Variants in DOCK9 observed in about 807,000 individuals in gnomAD.
DOCK9 encodes dedicator of cytokinesis protein 9.
DOCK9 carries 89 observed loss-of-function variants against 263.3 expected under a neutral mutation model. The ratio of observed to expected loss-of-function variants is 0.34; its 90% CI spans 0.28 to 0.40. The LOEUF (loss-of-function observed/expected upper bound fraction) is 0.40. Ranked by LOEUF, DOCK9 falls within the 10% of genes least tolerant of loss-of-function variation. DOCK9 has a pLI of 1.00. For synonymous variants in DOCK9, 976 were observed against 973.1 expected (o/e 1.00, Z -0.06); for missense variants, 2,140 against 2,603.4 (o/e 0.82, Z 3.87).
At chr13:99,017,218 T>G (rs988897090) in intron 1 of DOCK9, among the ~76,000 whole-genome samples, 1 of 152,182 alleles carries the variant, frequency 6.6e-6, no homozygotes, top group South Asian at 2.1e-4. Context: ...GTTGTGACAC[T>G]AGGAGAATCT....
chr13:98,913,414 GT>G (rs1174674826), intron 9 of DOCK9, among the ~76,000 whole-genome samples: 1 of 151,972 alleles, frequency 6.6e-6, no homozygotes, highest in Non-Finnish European at 1.5e-5. Flanking sequence ...TTGTAGCTTT[GT>G]TTATAATAGA....
At chr13:98,814,585 T>C (rs1229535992) in intron 45 of DOCK9, among the ~76,000 whole-genome samples, 3 of 152,100 alleles carry the variant, frequency 2.0e-5, no homozygotes, top group African/African-American at 7.2e-5. Context: ...TTTGTATTTT[T>C]AGTAGAGACA....
chr13:98,932,963 G>A lies in DOCK9; in HGVS notation c.244-2706C>T, dbSNP rs143728312. 4.1e-4 allele frequency among the ~76,000 whole-genome samples: 63 copies of A among 152,146 alleles called. No homozygotes were observed. In the East Asian group the frequency reaches 7.1e-3, roughly 17 times the overall value. Reference sequence around the variant, plus strand: ...GTGACCATAAGCATGGAAGACAGGCGCAATCTGTACAAAAAGCTACAAAGC... The same window carrying A: ...GTGACCATAAGCATGGAAGACAGGCACAATCTGTACAAAAAGCTACAAAGC... On this transcript the variant is annotated intron_variant, in intron 2 of 52. Coordinates refer to ENST00000682017, the MANE Select transcript of DOCK9 (RefSeq NM_001366683.2).
chr13:98,887,385 G>A (rs1409882185), intron 18 of DOCK9, among the ~76,000 whole-genome samples: 1 of 150,846 alleles, frequency 6.6e-6, no homozygotes, highest in Non-Finnish European at 1.5e-5. Flanking sequence ...GGGAGGCCAA[G>A]GTGGGCAGAT....
At position 98,978,052 on chromosome 13, in the gene DOCK9, G is replaced by A. The variant is rs1875718513; in HGVS notation, c.-143C>T. On this transcript the variant is annotated 5_prime_UTR_variant, in exon 1 of 53. Coordinates refer to ENST00000682017, the MANE Select transcript of DOCK9 (RefSeq NM_001366683.2). The stretch of plus-strand genomic sequence containing the variant: ...ACAAGTGGTCAGCCCCGCTGGCTGG[G>A]TCTGCAGAGCCTGTGGGGTGGGAAG... The A allele has an allele frequency of 7.0e-7, 1 of 1,436,716 alleles. No homozygotes were observed. Among genetic ancestry groups the A allele is most frequent in the Non-Finnish European group, 9.1e-7 (1 of 1,100,256 alleles). The allele number at this position is 1,436,716 out of a possible 1,614,324, so 89.0% of individuals were successfully genotyped here.
rs576457135 is a variant in DOCK9, at chr13:99,001,844, T to C, written c.130-46293A>G. Among the ~76,000 whole-genome samples, 49 of 152,344 alleles carry C rather than the reference T, an allele frequency of 3.2e-4. No homozygotes were observed. The South Asian group carries it at 9.7e-3, about 30-fold the overall frequency. The stretch of plus-strand genomic sequence containing the variant: ...ACCTCACTTGGTATTTGTAATTTTC[T>C]ATTTGTTTTCTTAAAGAGGGACTTC... On this transcript the variant is annotated intron_variant, in intron 1 of 32. Transcript: ENST00000427887.
rs570405969 is a variant in DOCK9 at position 99,069,415 on chromosome 13, T to A, written c.129+16808A>T. On this transcript the variant is annotated intron_variant, in intron 1 of 32. Coordinates refer to the DOCK9 transcript ENST00000427887. ...AAACTAGCTTGGGACTAATGAAATA[T>A]ACAAGCACGGAGGAGATCCATGGTG... Among the ~76,000 whole-genome samples, 3 of 152,354 alleles carry A rather than the reference T, an allele frequency of 2.0e-5. No individual in the cohort carries two copies. The South Asian group carries it at 6.2e-4, about 32-fold the overall frequency.
intron 38 of DOCK9, among the ~76,000 whole-genome samples, chr13:98,841,644 C>T (rs186235559): frequency 3.7e-5 from 5 of 134,002 alleles, no homozygotes; most frequent in South Asian, 2.4e-4. Flanking sequence ...TTTTTGGAGA[C>T]GAAGTCTCGC....
chr13:98,938,808 C>T (rs1567028508), intron 2 of DOCK9, among the ~76,000 whole-genome samples: 3 of 152,104 alleles, frequency 2.0e-5, no homozygotes, highest in African/African-American at 7.2e-5. Context: ...ATATTTAAAA[C>T]ATCATATTTT....
intron 1 of DOCK9, among the ~76,000 whole-genome samples, chr13:99,037,524 G>A (rs777508228): frequency 2.6e-5 from 4 of 152,106 alleles, no homozygotes; most frequent in African/African-American, 7.2e-5. Context: ...AATATAAAAC[G>A]ATATAACTAC....
intron 25 of DOCK9, among the ~76,000 whole-genome samples, chr13:98,881,354 G>C (rs887394597): frequency 6.6e-6 from 1 of 152,202 alleles, no homozygotes; most frequent in Non-Finnish European, 1.5e-5. Flanking sequence ...CATAATTGAA[G>C]GAATGGAATT....
At chr13:98,904,481 A>AT (rs1330286788) in intron 10 of DOCK9, 151 bp downstream of exon 10, 2 of 606,890 alleles carry the variant, frequency 3.3e-6, no homozygotes, top group African/African-American at 3.7e-5. Context: ...AAGATTATAC[A>AT]TTTTTATTTT....
At chr13:98,900,307 G>A (rs2048081160) in intron 13 of DOCK9, among the ~76,000 whole-genome samples, 1 of 152,204 alleles carries the variant, frequency 6.6e-6, no homozygotes, top group Non-Finnish European at 1.5e-5. Context: ...GCGGCAGGCA[G>A]AAGTAACAAA....
In DOCK9 at chr13:98,925,937, T is replaced by A; in HGVS notation, c.334-18A>T. 6.6e-7 allele frequency: 1 copy of A among 1,526,364 alleles called. No homozygotes were observed. Among genetic ancestry groups the A allele is most frequent in the African/African-American group, 1.4e-5 (1 of 72,144 alleles). The allele number at this position is 1,526,364 out of a possible 1,614,324, so 94.6% of individuals were successfully genotyped here. On this transcript the variant is annotated intron_variant, in intron 3 of 52. Transcript: ENST00000682017. ...TTGATGCACTATTGAAGGGGGATTT[T>A]AAAAATAGAAAATAAAAAACAGAAA...
chr13:99,059,950 A>C (rs1198512597), intron 1 of DOCK9, among the ~76,000 whole-genome samples: 1 of 152,044 alleles, frequency 6.6e-6, no homozygotes, highest in Non-Finnish European at 1.5e-5. Flanking sequence ...TAATGTTATC[A>C]AGATTCATCC....
chr13:98,825,845 G>A lies in DOCK9; in HGVS notation c.5023+985C>T, dbSNP rs373917318. ...CACGTGACCAGGGCAGGGGGTCCCC[G>A]GGGGCTGGGCTGATCCTCAGGCTCA... is the stretch of plus-strand genomic sequence containing the variant. On this transcript the variant is annotated intron_variant, in intron 44 of 52. Transcript: ENST00000682017. The surrounding 1 kb of genome is among the most constrained non-coding windows in gnomAD (Gnocchi z 4.1). The A allele has an allele frequency of 8.0e-5, 116 of 1,453,778 alleles. No individual in the cohort carries two copies. The highest frequency in any genetic ancestry group is 1.4e-4 in the African/African-American group (10 of 69,056). The allele number at this position is 1,453,778 out of a possible 1,614,324, so 90.1% of individuals were successfully genotyped here. A position where few individuals can be genotyped will look rare whatever the true frequency, so the allele number is the denominator to read the frequency against.
intron 1 of DOCK9, among the ~76,000 whole-genome samples, chr13:99,048,455 C>T (rs899482857): frequency 2.6e-5 from 4 of 152,180 alleles, no homozygotes; most frequent in South Asian, 2.1e-4. Context: ...TGTTCATTAA[C>T]GTAACAAGCA....
intron 1 of DOCK9, among the ~76,000 whole-genome samples, chr13:98,968,656 T>C (rs539245396): frequency 5.9e-5 from 9 of 152,340 alleles, no homozygotes; most frequent in African/African-American, 2.2e-4. Context: ...GTATGGCTCA[T>C]GTTATATTTC....
At chr13:99,049,796 G>A (rs1465723385) in intron 1 of DOCK9, among the ~76,000 whole-genome samples, 1 of 152,158 alleles carries the variant, frequency 6.6e-6, no homozygotes, top group Non-Finnish European at 1.5e-5. Flanking sequence ...GGGATTACAG[G>A]AATGAGCAAC....
Sources: allele counts gnomAD v4.1 joint callset (sites outside exome capture counted in the v4.1 genomes callset), GRCh38; gene constraint gnomAD v4.1.1; non-coding constraint Gnocchi (gnomAD v3.1); transcripts MANE v1.5; gene names NCBI Gene and HGNC (gene_info 2026-07-23, HGNC 2026-07-21).